Variants in JMY observed in about 807,000 individuals in gnomAD.
JMY encodes the protein junction mediating and regulatory protein, p53 cofactor, also known as junction-mediating and -regulatory protein.
Under a neutral mutation model 103.3 loss-of-function variants are expected in JMY, and 46 were observed. The observed-to-expected ratio is 0.45, with a 90% CI of 0.35 to 0.57. JMY has a LOEUF of 0.57. JMY is among the 20% of genes least tolerant of loss of function. JMY has a pLI of 0.00. For synonymous variants in JMY, 526 were observed against 489.3 expected (o/e 1.07, Z -0.99); for missense variants, 1,238 against 1,255.2 (o/e 0.99, Z 0.21).
Position 79,314,869 on chromosome 5 carries a change from C to T in JMY, c.2659+18C>T. On this transcript the variant is annotated intron_variant, in intron 9 of 10. Transcript: ENST00000396137. The stretch of plus-strand genomic sequence containing the variant: ...GAGGAGAGGTACGTCAACATATTTT[C>T]ATGGTCCATCTGTTGTATGACATCA... The T allele has an allele frequency of 6.5e-7, 1 of 1,532,508 alleles. No homozygotes were observed. 94.9% of individuals were successfully genotyped at this position (1,532,508 alleles called of 1,614,324 possible). A position where few individuals can be genotyped will look rare whatever the true frequency, so the allele number is the denominator to read the frequency against.
chr5:79,299,566 T>C (rs763997953), intron 4 of JMY, among the ~76,000 whole-genome samples: 2 of 152,098 alleles, frequency 1.3e-5, no homozygotes, highest in Non-Finnish European at 2.9e-5. Context: ...AAGTTCAGCC[T>C]AGGACGTTGA....
intron 1 of JMY, among the ~76,000 whole-genome samples, chr5:79,270,376 TA>T (rs1409827486): frequency 7.3e-6 from 1 of 136,544 alleles, no homozygotes; most frequent in East Asian, 2.0e-4. Flanking sequence ...TATATTTACA[TA>T]AATATTTACA....
chr5:79,254,887 ATTTC>A (rs946245680), intron 1 of JMY, among the ~76,000 whole-genome samples: 6 of 149,314 alleles, frequency 4.0e-5, no homozygotes, highest in African/African-American at 7.4e-5. Context: ...CAAGCTCACT[ATTTC>A]TTTCTTCTGC....
At chr5:79,274,787 G>A (rs765114150) in intron 1 of JMY, among the ~76,000 whole-genome samples, 6 of 152,140 alleles carry the variant, frequency 3.9e-5, no homozygotes, top group Non-Finnish European at 8.8e-5. Context: ...AATAGACATT[G>A]TGAATGATAA....
chr5:79,281,271 C>T (rs113873181), intron 2 of JMY, among the ~76,000 whole-genome samples: 2 of 151,564 alleles, frequency 1.3e-5, no homozygotes, highest in South Asian at 2.1e-4. Flanking sequence ...GTCTCGATCT[C>T]CTGACCTCGT....
At chr5:79,274,342 A>C (rs1048933412) in intron 1 of JMY, among the ~76,000 whole-genome samples, 2 of 151,528 alleles carry the variant, frequency 1.3e-5, no homozygotes, top group African/African-American at 2.4e-5. Flanking sequence ...TGTTAAATCC[A>C]TATCTGTTTC....
Position 79,323,314 on chromosome 5 carries a change from T to C in JMY, c.*1712T>C, listed in dbSNP as rs1351789411. On this transcript the variant is annotated 3_prime_UTR_variant, in exon 11 of 11. Coordinates refer to ENST00000396137, the MANE Select transcript of JMY (RefSeq NM_152405.5). ...GTTTATTGATGAGACTAGGAGCTTC[T>C]CTGCAGCATCTTCATAATACATTGG... 3 of 152,212 alleles carry C rather than the reference T, an allele frequency of 2.0e-5. No homozygotes were observed. Among genetic ancestry groups the C allele is most frequent in the Non-Finnish European group, 4.4e-5 (3 of 68,040 alleles). The allele number at this position is 152,212 out of a possible 1,614,324, so 9.4% of individuals were successfully genotyped here.
intron 1 of JMY, among the ~76,000 whole-genome samples, chr5:79,274,751 G>T (rs1470530363): frequency 6.6e-6 from 1 of 152,016 alleles, no homozygotes; most frequent in Non-Finnish European, 1.5e-5. Flanking sequence ...CTATTTCTTT[G>T]TTGGTCTGTT....
rs1271343568 is a variant in JMY at position 79,300,180 on chromosome 5, G to A, written c.1555G>A (p.Ala519Thr). 6.2e-7 allele frequency: 1 copy of A among 1,613,508 alleles called. No homozygotes were observed. The highest frequency in any genetic ancestry group is 1.7e-5 in the Admixed American group (1 of 59,878). ...GCAGAGTTTGCGGGGTGGTACAGAAGCGATAGCACGATTGGATCAGTTAGA... is the reference window on the plus strand; with the variant it reads ...GCAGAGTTTGCGGGGTGGTACAGAAACGATAGCACGATTGGATCAGTTAGA... Reference protein sequence around the residue: ...EMQSLRGGTEAIARLDQLEAD... With the variant: ...EMQSLRGGTETIARLDQLEAD... Residue 519 changes from alanine to threonine, a missense_variant, in exon 5 of 11, where the codon GCG becomes ACG. By Grantham distance (58) the Ala-to-Thr change is moderately conservative. Transcript: ENST00000396137.
chr5:79,270,038 A>C (rs1028878790), intron 1 of JMY, among the ~76,000 whole-genome samples: 1 of 151,784 alleles, frequency 6.6e-6, no homozygotes, highest in Non-Finnish European at 1.5e-5. Flanking sequence ...GGCCTGGAGG[A>C]GTGTGTGGGT....
At chr5:79,267,490 T>C (rs1745618940) in intron 1 of JMY, among the ~76,000 whole-genome samples, 1 of 152,246 alleles carries the variant, frequency 6.6e-6, no homozygotes, top group Non-Finnish European at 1.5e-5. Context: ...ATATATAGCC[T>C]TTTCAGATTA....
chr5:79,239,033 T>G (rs1744651609), intron 1 of JMY, among the ~76,000 whole-genome samples: 1 of 152,234 alleles, frequency 6.6e-6, no homozygotes, highest in Non-Finnish European at 1.5e-5. Context: ...TATATAATAG[T>G]TGAACCTTGT....
intron 10 of JMY, among the ~76,000 whole-genome samples, chr5:79,319,174 T>C (rs1747357087): frequency 6.6e-6 from 1 of 152,216 alleles, no homozygotes; most frequent in Non-Finnish European, 1.5e-5. Flanking sequence ...CTCAAGTGGC[T>C]GGGATGTTAC....
chr5:79,285,291 G>A lies in JMY; in HGVS notation c.1207-4830G>A, dbSNP rs575910791. On this transcript the variant is annotated intron_variant, in intron 2 of 10. Coordinates refer to ENST00000396137, the MANE Select transcript of JMY (RefSeq NM_152405.5). ...AAACTGCACCCCCTGCCCCCCACCC[G>A]CCCACTGCCAGTCACCCATCAAACA... Among the ~76,000 whole-genome samples, 13 of 139,894 alleles carry A rather than the reference G, an allele frequency of 9.3e-5. No individual in the cohort carries two copies. In the East Asian group the frequency reaches 1.2e-3, roughly 12 times the overall value. 91.8% of individuals were successfully genotyped at this position (139,894 alleles called of 152,430 possible).
intron 1 of JMY, among the ~76,000 whole-genome samples, chr5:79,274,075 C>T (rs371154324): frequency 1.2e-4 from 19 of 152,142 alleles, no homozygotes; most frequent in South Asian, 4.2e-4. Flanking sequence ...GTGATCTGCC[C>T]GCCTTGACCT....
chr5:79,254,748 C>G (rs780481222), intron 1 of JMY, among the ~76,000 whole-genome samples: 1 of 152,086 alleles, frequency 6.6e-6, no homozygotes, highest in Non-Finnish European at 1.5e-5. Context: ...CCCCATCTCT[C>G]TACCTCCTCA....
At chr5:79,302,703 C>T (rs1305455618) in intron 6 of JMY, among the ~76,000 whole-genome samples, 3 of 152,134 alleles carry the variant, frequency 2.0e-5, no homozygotes. Flanking sequence ...TGAGCTTTGT[C>T]TGTAGTATAA....
At position 79,306,431 on chromosome 5, in the gene JMY, T is replaced by G; in HGVS notation, c.1938T>G (p.Asp646Glu). ...EKIQQRTRIE[D>E]EYRTHHTVQL... ...TCCAACAGCGCACTCGGATTGAAGA[T>G]GAATATAGAACCCATCACACAGTAC... Residue 646 changes from aspartate (D) to glutamate (E), a missense_variant, in exon 7 of 11, where the codon GAT becomes GAG. Asp to Glu is a conservative substitution (Grantham distance 45, BLOSUM62 2). Transcript: ENST00000396137. The G allele has an allele frequency of 6.2e-7, 1 of 1,613,296 alleles. No homozygotes were observed. Among genetic ancestry groups the G allele is most frequent in the South Asian group, 1.1e-5 (1 of 91,028 alleles).
intron 1 of JMY, among the ~76,000 whole-genome samples, chr5:79,266,244 T>A (rs145732077): frequency 1.3e-3 from 196 of 152,332 alleles, no homozygotes; most frequent in African/African-American, 4.3e-3. Flanking sequence ...GTAAGCTCTT[T>A]AGAAGCAGAG....
Sources: gnomAD v4.1 joint callset for allele counts (sites outside exome capture counted in the v4.1 genomes callset) on GRCh38, gnomAD v4.1.1 for gene constraint, MANE v1.5 for transcripts, NCBI Gene and HGNC (gene_info 2026-07-23, HGNC 2026-07-21) for gene names.